PDE4B: variants seen among roughly 807,000 people sequenced by gnomAD.
PDE4B encodes 3',5'-cyclic-AMP phosphodiesterase 4B.
PDE4B carries 20 observed loss-of-function variants against 82.2 expected under a neutral mutation model. That is an observed-to-expected ratio of 0.24 (90% CI 0.17 to 0.35). PDE4B has a LOEUF of 0.35. Among genes scored for constraint, PDE4B ranks in the 10% least tolerant of loss-of-function variants. The probability of loss-of-function intolerance (pLI) is 1.00; values close to 1 mark genes in which losing one functional copy is unlikely to be tolerated. For missense variants in PDE4B, 655 were observed against 907.2 expected (o/e 0.72, Z 3.57); for synonymous variants, 320 against 318.9 (o/e 1.00, Z -0.04).
At chr1:66,354,440 GA>G (rs781094986) in intron 8 of PDE4B, 627 of 990,054 alleles carry the variant, frequency 6.3e-4, no homozygotes, top group Non-Finnish European at 7.2e-4. Context: ...AACTCCTCAG[GA>G]AAGAAGAATT....
intron 3 of PDE4B, among the ~76,000 whole-genome samples, chr1:65,953,699 A>G (rs143265877): frequency 4.5e-4 from 68 of 152,250 alleles, no homozygotes; most frequent in Admixed American, 1.4e-3. Context: ...CTACAGTGAT[A>G]AGAAACTAAT....
intron 3 of PDE4B, among the ~76,000 whole-genome samples, chr1:66,125,053 ATT>A (rs769935733): frequency 1.5e-5 from 2 of 132,218 alleles, no homozygotes. Flanking sequence ...TTACCTTACT[ATT>A]TTTTTTTTTT....
chr1:66,205,436 G>T (rs2101554903), intron 3 of PDE4B, among the ~76,000 whole-genome samples: 1 of 152,216 alleles, frequency 6.6e-6, no homozygotes, highest in South Asian at 2.1e-4. Flanking sequence ...ATGCTGTTAA[G>T]GTAATTCTGT....
At chr1:66,270,304 CAGA>C (rs1402678356) in intron 7 of PDE4B, among the ~76,000 whole-genome samples, 1 of 152,170 alleles carries the variant, frequency 6.6e-6, no homozygotes, top group East Asian at 1.9e-4. Context: ...ACTGATAAAA[CAGA>C]AGAAGAGGCT....
At chr1:65,970,519 G>A (rs1317837537) in intron 3 of PDE4B, among the ~76,000 whole-genome samples, 1 of 152,078 alleles carries the variant, frequency 6.6e-6, no homozygotes, top group Non-Finnish European at 1.5e-5. Flanking sequence ...TTATGATTTG[G>A]TAAGGACTTA....
chr1:66,237,925 G>A (rs1652591817), intron 3 of PDE4B, among the ~76,000 whole-genome samples: 1 of 152,052 alleles, frequency 6.6e-6, no homozygotes. Flanking sequence ...GCCCTCGTGG[G>A]GCTTAGAGTT....
In PDE4B at chr1:65,918,600, G is replaced by C. The variant is rs746721796; in HGVS notation, c.46G>C (p.Val16Leu). The change falls in exon 3 of 17, where the codon GTT becomes CTT. Residue 16 changes from valine (V) to leucine (L), a missense_variant. Val to Leu is a conservative substitution (Grantham distance 32). This residue lies in a region of PDE4B where 253 missense variants were observed against 275.6 expected (regional missense o/e 0.92). Coordinates refer to ENST00000341517, the MANE Select transcript of PDE4B (RefSeq NM_002600.4). ...TCTTTCCCTGTGGTTCCTCCAGAAT[G>C]TTAAAGATTATTTTGAATGTAGCTT... ...SVMTVMADDN[V>L]KDYFECSLSK... 8 of 1,571,070 alleles carry C rather than the reference G, an allele frequency of 5.1e-6. No homozygotes were observed. The Admixed American group carries it at 1.2e-4, about 23-fold the overall frequency.
Position 66,083,085 on chromosome 1 carries a change from G to T in PDE4B, c.281+164250G>T, listed in dbSNP as rs142697316. Reference sequence around the variant, plus strand: ...CTCCCTCATCCTGCAGTTTGTTGTTGCTTTGTGCCTATTACCACAACAGCC... The same window carrying T: ...CTCCCTCATCCTGCAGTTTGTTGTTTCTTTGTGCCTATTACCACAACAGCC... On this transcript the variant is annotated intron_variant, in intron 3 of 16. Coordinates refer to ENST00000341517, the MANE Select transcript of PDE4B (RefSeq NM_002600.4). Among the ~76,000 whole-genome samples the T allele has an allele frequency of 6.6e-3, 997 of 152,164 alleles. 9 individuals are homozygous for T. Among genetic ancestry groups the T allele is most frequent in the South Asian group, 0.021 (101 of 4,820 alleles).
intron 1 of PDE4B, among the ~76,000 whole-genome samples, chr1:65,866,662 A>G (rs1042906642): frequency 6.6e-5 from 10 of 152,252 alleles, no homozygotes; most frequent in African/African-American, 2.4e-4. Flanking sequence ...ACCTCTAGAT[A>G]TGACTACCCA....
chr1:65,908,351 T>C (rs1647050279), intron 1 of PDE4B, among the ~76,000 whole-genome samples: 1 of 152,152 alleles, frequency 6.6e-6, no homozygotes. Flanking sequence ...TTGATTCACA[T>C]AGCAGAATTT....
chr1:66,133,943 T>A (rs956914196), intron 3 of PDE4B, among the ~76,000 whole-genome samples: 12 of 151,846 alleles, frequency 7.9e-5, no homozygotes, highest in African/African-American at 2.9e-4. Flanking sequence ...ACAAGTGAGC[T>A]CAGGGCCTGC....
chr1:66,239,763 T>C (rs1652736288), intron 3 of PDE4B, among the ~76,000 whole-genome samples: 2 of 152,232 alleles, frequency 1.3e-5, no homozygotes, highest in South Asian at 4.1e-4. Context: ...TTTTAAAAAA[T>C]GATACTTAAC....
rs1655739424 is a variant in PDE4B at position 66,064,474 on chromosome 1, C to T, written c.281+145639C>T. ...AGAAAAGGAAAAAAAGGAGGCAGTC[C>T]AGAGATAGAGAGGGATACAGAATAA... On this transcript the variant is annotated intron_variant, in intron 3 of 16. Coordinates refer to ENST00000341517, the MANE Select transcript of PDE4B (RefSeq NM_002600.4). Among the ~76,000 whole-genome samples, 5 of 151,960 alleles carry T rather than the reference C, an allele frequency of 3.3e-5. 1 individual carries two copies. The South Asian group carries it at 1.0e-3, about 32-fold the overall frequency.
At chr1:66,301,249 A>C (rs1325622630) in intron 7 of PDE4B, among the ~76,000 whole-genome samples, 1 of 152,110 alleles carries the variant, frequency 6.6e-6, no homozygotes, top group African/African-American at 2.4e-5. Flanking sequence ...TTATTTCAGA[A>C]ATCCAACTTG....
At chr1:66,359,837 C>T (rs1292989346) in intron 9 of PDE4B, among the ~76,000 whole-genome samples, 1 of 152,084 alleles carries the variant, frequency 6.6e-6, no homozygotes, top group African/African-American at 2.4e-5. Context: ...GGTTTTATGC[C>T]AGAGATTGTG....
intron 3 of PDE4B, among the ~76,000 whole-genome samples, chr1:65,955,200 C>G (rs1649193364): frequency 6.6e-6 from 1 of 152,102 alleles, no homozygotes; most frequent in African/African-American, 2.4e-5. Flanking sequence ...CCCTGGAGCC[C>G]TGTCCGTCCA....
At chr1:66,090,617 A>AGTGTGTGTG (rs1342550461) in intron 3 of PDE4B, among the ~76,000 whole-genome samples, 192 of 18,328 alleles carry the variant, frequency 0.01, 5 homozygotes, top group East Asian at 0.049. Flanking sequence ...TATGTATATA[A>AGTGTGTGTG]TATATGTGTG....
intron 7 of PDE4B, among the ~76,000 whole-genome samples, chr1:66,303,973 G>T (rs1169877973): frequency 2.0e-5 from 3 of 152,116 alleles, no homozygotes; most frequent in Non-Finnish European, 4.4e-5. Flanking sequence ...TCACACCACT[G>T]AAATATGTTA....
intron 1 of PDE4B, among the ~76,000 whole-genome samples, chr1:65,875,034 T>C (rs1399029920): frequency 6.7e-6 from 1 of 149,070 alleles, no homozygotes; most frequent in African/African-American, 2.5e-5. Context: ...TGGGAGAAAA[T>C]TTTCGCAACC....
Sources: allele counts gnomAD v4.1 joint callset (sites outside exome capture counted in the v4.1 genomes callset), GRCh38; gene constraint gnomAD v4.1.1; regional missense constraint gnomAD v4.1.1; transcripts MANE v1.5; gene names NCBI Gene and HGNC (gene_info 2026-07-23, HGNC 2026-07-21).